Variants in ELP4 observed in about 807,000 individuals in gnomAD.
ELP4 encodes elongator complex protein 4.
In ELP4, 51 loss-of-function variants were observed where a neutral mutation model predicts 48.9. The observed-to-expected ratio is 1.04, with a 90% CI of 0.83 to 1.32. ELP4 has a LOEUF of 1.32. Among genes scored for constraint, ELP4 ranks in the 40% most tolerant of loss-of-function variants. ELP4 has a pLI of 0.00. For synonymous variants in ELP4, 210 were observed against 189.2 expected (o/e 1.11, Z -0.90); for missense variants, 519 against 514.6 (o/e 1.01, Z -0.08).
At chr11:31,644,594 G>T (rs765876655) in intron 7 of ELP4, among the ~76,000 whole-genome samples, 4 of 151,668 alleles carry the variant, frequency 2.6e-5, no homozygotes, top group Non-Finnish European at 4.4e-5. Context: ...AAAGTGAATT[G>T]TGATTATTAT....
intron 5 of ELP4, among the ~76,000 whole-genome samples, chr11:31,626,059 G>C (rs1944737101): frequency 6.6e-6 from 1 of 151,648 alleles, no homozygotes. Flanking sequence ...AGACACTTTT[G>C]GTTTATTGTG....
intron 9 of ELP4, chr11:31,681,640 GGAA>G (rs1219817437): frequency 3.9e-5 from 6 of 152,482 alleles, no homozygotes; most frequent in Non-Finnish European, 7.3e-5. Context: ...TTGATGATCT[GGAA>G]GAAGATGGAC....
chr11:31,529,033 G>T (rs1956346707), intron 2 of ELP4, among the ~76,000 whole-genome samples: 1 of 145,830 alleles, frequency 6.9e-6, no homozygotes, highest in Admixed American at 6.8e-5. Flanking sequence ...TTTGTGTTTG[G>T]CTATGTGTAT....
At chr11:31,545,086 T>G (rs1956675281) in intron 3 of ELP4, among the ~76,000 whole-genome samples, 1 of 152,240 alleles carries the variant, frequency 6.6e-6, no homozygotes, top group East Asian at 1.9e-4. Context: ...GCACCTCTCC[T>G]CCTCAAAAGG....
rs991964411 is a variant in ELP4 at position 31,734,336 on chromosome 11, G to A, written c.1144-49057G>A. On this transcript the variant is annotated intron_variant, in intron 9 of 9. Transcript: ENST00000640961. ...GATGCCCATTCTTGCCACTTCTATC[G>A]AACGTAGTACTGGAAGCCCTAGCCA... 3.9e-5 allele frequency among the ~76,000 whole-genome samples: 6 copies of A among 152,100 alleles called. No homozygotes were observed. The South Asian group carries it at 6.2e-4, about 16-fold the overall frequency.
chr11:31,643,508 T>C (rs1192339081), intron 7 of ELP4, among the ~76,000 whole-genome samples: 2 of 151,876 alleles, frequency 1.3e-5, no homozygotes, highest in Admixed American at 1.3e-4. Context: ...TAATTAGTTT[T>C]GGGAAAATAA....
intron 9 of ELP4, among the ~76,000 whole-genome samples, chr11:31,724,613 CT>C (rs1947036471): frequency 6.6e-6 from 1 of 152,220 alleles, no homozygotes; most frequent in Non-Finnish European, 1.5e-5. Flanking sequence ...GAGGCCATGA[CT>C]TACTTCTTCC....
chr11:31,535,183 A>G (rs1001199445), intron 2 of ELP4, among the ~76,000 whole-genome samples: 1 of 152,208 alleles, frequency 6.6e-6, no homozygotes, highest in East Asian at 1.9e-4. Flanking sequence ...TAAATTGACC[A>G]TACTTTTAAT....
intron 9 of ELP4, among the ~76,000 whole-genome samples, chr11:31,681,519 A>G (rs1946050449): frequency 6.6e-6 from 1 of 152,194 alleles, no homozygotes; most frequent in African/African-American, 2.4e-5. Flanking sequence ...ATACAGGGCA[A>G]AATATCCTAA....
Position 31,669,766 on chromosome 11 carries a change from T to C in ELP4, c.1143+19545T>C, listed in dbSNP as rs192956906. ...CTAAATACCTGACTGCATGTTTAATTATTCCCGCTCTCTATATGGGTCTAG... is the reference window on the plus strand; with the variant it reads ...CTAAATACCTGACTGCATGTTTAATCATTCCCGCTCTCTATATGGGTCTAG... On this transcript the variant is annotated intron_variant, in intron 9 of 9. Transcript: ENST00000640961. Among the ~76,000 whole-genome samples, 120 of 152,286 alleles carry C rather than the reference T, an allele frequency of 7.9e-4. 2 individuals carry two copies. The highest frequency in any genetic ancestry group is 6.1e-3 in the Admixed American group (93 of 15,290).
chr11:31,571,306 T>C (rs576326915), intron 3 of ELP4, among the ~76,000 whole-genome samples: 1 of 152,334 alleles, frequency 6.6e-6, no homozygotes, highest in African/African-American at 2.4e-5. Flanking sequence ...AAAATAACAC[T>C]TTTTTCTTGT....
At chr11:31,692,864 C>G (rs1446559449) in intron 9 of ELP4, among the ~76,000 whole-genome samples, 1 of 152,094 alleles carries the variant, frequency 6.6e-6, no homozygotes, top group East Asian at 1.9e-4. Context: ...TGATCCACAC[C>G]AAGTCTAGAT....
chr11:31,629,451 A>G (rs1197473186), intron 6 of ELP4, among the ~76,000 whole-genome samples: 4 of 151,948 alleles, frequency 2.6e-5, no homozygotes, highest in Non-Finnish European at 5.9e-5. Flanking sequence ...ATTATGTTCA[A>G]TTATATCTGT....
At chr11:31,564,134 T>A (rs1461104932) in intron 3 of ELP4, among the ~76,000 whole-genome samples, 1 of 152,198 alleles carries the variant, frequency 6.6e-6, no homozygotes, top group Non-Finnish European at 1.5e-5. Context: ...GTTGGCATAC[T>A]TAAAAATTTT....
chr11:31,528,641 G>A (rs1956338915), intron 2 of ELP4, among the ~76,000 whole-genome samples: 1 of 152,080 alleles, frequency 6.6e-6, no homozygotes, highest in Non-Finnish European at 1.5e-5. Flanking sequence ...ATATACATGT[G>A]TAGGTGATGA....
chr11:31,783,723 A>G lies in ELP4; in HGVS notation c.*199A>G, dbSNP rs1355151382. 2 of 477,612 alleles carry G rather than the reference A, an allele frequency of 4.2e-6. No individual in the cohort carries two copies. The highest frequency in any genetic ancestry group is 7.3e-6 in the Non-Finnish European group (2 of 274,160). 29.6% of individuals were successfully genotyped at this position (477,612 alleles called of 1,614,324 possible). On this transcript the variant is annotated 3_prime_UTR_variant, in exon 10 of 10. Coordinates refer to ENST00000640961, the MANE Select transcript of ELP4 (RefSeq NM_019040.5). The stretch of plus-strand genomic sequence containing the variant: ...AGAAATACTTTTAAATTTTTCCTTC[A>G]TGCTCTAGAGAAAATAATTTTATTT...
At chr11:31,628,209 A>G (rs1592171634) in intron 6 of ELP4, 1 of 151,956 alleles carries the variant, frequency 6.6e-6, no homozygotes, top group Non-Finnish European at 1.5e-5. Context: ...CCTAAGATTT[A>G]TGGGTACTGT....
chr11:31,513,950 T>C (rs547716044), intron 1 of ELP4, among the ~76,000 whole-genome samples: 1 of 152,312 alleles, frequency 6.6e-6, no homozygotes, highest in South Asian at 2.1e-4. Flanking sequence ...TTGTCTAAAA[T>C]ATCAAGCTTG....
intron 9 of ELP4, among the ~76,000 whole-genome samples, chr11:31,692,422 T>A (rs1946299367): frequency 6.6e-6 from 1 of 152,322 alleles, no homozygotes; most frequent in African/African-American, 2.4e-5. Flanking sequence ...CTACTCACTG[T>A]TGCCCTACTA....
Sources: gnomAD v4.1 joint callset for allele counts (sites outside exome capture counted in the v4.1 genomes callset) on GRCh38, gnomAD v4.1.1 for gene constraint, MANE v1.5 for transcripts, NCBI Gene and HGNC (gene_info 2026-07-23, HGNC 2026-07-21) for gene names.